The following PTBP3 variants were observed in gnomAD, a reference collection of about 807,000 sequenced individuals.
PTBP3 encodes the protein polypyrimidine tract-binding protein 3.
A neutral mutation model predicts 58.7 loss-of-function variants in PTBP3; 20 were observed. The ratio of observed to expected loss-of-function variants is 0.34; its 90% CI spans 0.24 to 0.50. The LOEUF (loss-of-function observed/expected upper bound fraction) is 0.50, where lower values mean the gene tolerates loss of function less well. Among genes scored for constraint, PTBP3 ranks in the 20% least tolerant of loss-of-function variants. The pLI is 0.98. For missense variants in PTBP3, 509 were observed against 637.2 expected (o/e 0.80, Z 2.17); for synonymous variants, 185 against 219.8 (o/e 0.84, Z 1.40).
At chr9:112,341,621 C>A in the PTBP3 span, among the ~76,000 whole-genome samples, 2 of 151,966 alleles carry the variant, frequency 1.3e-5, no homozygotes, top group East Asian at 3.9e-4. Context: ...CTTTTCTGTG[C>A]GTTATTGATT....
rs766252597 is a variant in PTBP3 at position 112,265,656 on chromosome 9, CAT to C, written c.351+2391_351+2392del. Among the ~76,000 whole-genome samples the C allele has an allele frequency of 4.6e-5, 7 of 152,268 alleles. No homozygotes were observed. In the East Asian group the frequency reaches 5.8e-4, roughly 13 times the overall value. ...ATGCATAGCATGTGAGCAGCACACA[CAT>C]GAGGGTAGAACAAGACATGCAAGCA... On this transcript the variant is annotated intron_variant, in intron 4 of 13. Transcript: ENST00000374257.
intron 7 of PTBP3, among the ~76,000 whole-genome samples, chr9:112,239,877 G>GGGAC (rs1835585251): frequency 2.1e-5 from 2 of 95,248 alleles, no homozygotes; most frequent in Admixed American, 2.2e-4. Flanking sequence ...GAGGGAGGGA[G>GGGAC]GGAGGCAAGG....
chr9:112,265,236 C>T (rs1836749779), intron 4 of PTBP3, among the ~76,000 whole-genome samples: 1 of 152,068 alleles, frequency 6.6e-6, no homozygotes, highest in African/African-American at 2.4e-5. Flanking sequence ...GGTGCAGTGG[C>T]TCACGCCCAT....
intron 1 of PTBP3, 130 bp downstream of exon 1, chr9:112,333,340 C>T (rs1451389090): frequency 8.7e-7 from 1 of 1,150,002 alleles, no homozygotes; most frequent in Non-Finnish European, 1.1e-6. Flanking sequence ...CGCCGTCGGG[C>T]TTGGCCGGGG....
chr9:112,341,464 G>A, the PTBP3 span, among the ~76,000 whole-genome samples: 11 of 151,882 alleles, frequency 7.2e-5, no homozygotes, highest in East Asian at 7.7e-4. Flanking sequence ...GTTTGTATCC[G>A]GCAAGAAAAG....
At chr9:112,232,047 C>T in intron 9 of PTBP3, 52 bp downstream of exon 9, 1 of 900,048 alleles carries the variant, frequency 1.1e-6, no homozygotes, top group Non-Finnish European at 1.6e-6. Flanking sequence ...GAAAAAAGTG[C>T]TACTATACCT....
chr9:112,319,268 T>C (rs140478321), intron 1 of PTBP3, among the ~76,000 whole-genome samples: 78 of 151,648 alleles, frequency 5.1e-4, no homozygotes, highest in African/African-American at 1.8e-3. Context: ...CCAGGAGCAG[T>C]AGCCCACACC....
chr9:112,340,706 C>T, the PTBP3 span, among the ~76,000 whole-genome samples: 1 of 151,602 alleles, frequency 6.6e-6, no homozygotes, highest in African/African-American at 2.4e-5. Flanking sequence ...ATGGAGAAAC[C>T]CCGTCTCTAC....
intron 7 of PTBP3, among the ~76,000 whole-genome samples, chr9:112,244,083 C>T (rs1463002464): frequency 2.6e-5 from 4 of 151,546 alleles, no homozygotes; most frequent in Non-Finnish European, 5.9e-5. Context: ...AGGTGGATCA[C>T]GAGGTCAGGA....
At chr9:112,290,133 A>T (rs1404579404) in intron 2 of PTBP3, among the ~76,000 whole-genome samples, 1 of 152,232 alleles carries the variant, frequency 6.6e-6, no homozygotes, top group Non-Finnish European at 1.5e-5. Flanking sequence ...TGTAAATTAT[A>T]GTGTCAGAGG....
chr9:112,240,525 G>A (rs540709854), intron 7 of PTBP3, among the ~76,000 whole-genome samples: 2 of 151,788 alleles, frequency 1.3e-5, no homozygotes, highest in African/African-American at 4.8e-5. Flanking sequence ...ATAAAATTGT[G>A]TACAGTATAT....
chr9:112,364,745 G>A, the PTBP3 span, among the ~76,000 whole-genome samples: 25,854 of 152,112 alleles, frequency 0.17, 2,480 homozygotes, highest in East Asian at 0.24. Context: ...ATTGACTTGC[G>A]TGACACAGGG....
At chr9:112,291,182 A>G (rs1354926823) in intron 2 of PTBP3, among the ~76,000 whole-genome samples, 3 of 151,968 alleles carry the variant, frequency 2.0e-5, no homozygotes, top group Admixed American at 2.0e-4. Flanking sequence ...AGATTGTGCC[A>G]TTGCACTCCA....
chr9:112,299,457 A>C (rs544431014), intron 1 of PTBP3, among the ~76,000 whole-genome samples: 185 of 152,372 alleles, frequency 1.2e-3, no homozygotes, highest in Middle Eastern at 3.4e-3. Flanking sequence ...GATATCTGCG[A>C]TATGTAAAAC....
At chr9:112,267,327 G>A (rs904986596) in intron 4 of PTBP3, among the ~76,000 whole-genome samples, 8 of 152,030 alleles carry the variant, frequency 5.3e-5, no homozygotes, top group Admixed American at 6.6e-5. Context: ...CACCACGCCC[G>A]GCTAATTTTT....
chr9:112,322,409 G>A (rs149418784), intron 1 of PTBP3, among the ~76,000 whole-genome samples: 7 of 152,284 alleles, frequency 4.6e-5, no homozygotes, highest in African/African-American at 9.6e-5. Context: ...CAGGCCTGGG[G>A]AACAGCTGAT....
chr9:112,222,729 G>A lies in PTBP3; in HGVS notation c.*1122C>T, dbSNP rs1218392826. 1 of 975,662 alleles carries A rather than the reference G, an allele frequency of 1.0e-6. No individual in the cohort carries two copies. Among genetic ancestry groups the A allele is most frequent in the African/African-American group, 1.8e-5 (1 of 56,956 alleles). 60.4% of individuals were successfully genotyped at this position (975,662 alleles called of 1,614,324 possible). A position where few individuals can be genotyped will look rare whatever the true frequency, so the allele number is the denominator to read the frequency against. ...AAAGAAAAAACAAAATGCTTACCAA[G>A]CCCACAATATAGCTTTCAAGATATT... On this transcript the variant is annotated 3_prime_UTR_variant, in exon 14 of 14. Transcript: ENST00000374257.
the PTBP3 span, among the ~76,000 whole-genome samples, chr9:112,373,850 A>G: frequency 1.3e-5 from 2 of 152,254 alleles, no homozygotes; most frequent in Admixed American, 1.3e-4. Flanking sequence ...AAAAGAAGGA[A>G]ATACTCATGA....
In PTBP3 at chr9:112,221,188, G is replaced by A. The variant is rs572807028; in HGVS notation, c.*2663C>T. On this transcript the variant is annotated 3_prime_UTR_variant, in exon 14 of 14. Transcript: ENST00000374257. ...TCCAAATCTTAATTTGGTTAATTTT[G>A]TCAATAAATTAAAATGTATGTAATG... The A allele has an allele frequency of 1.0e-6, 1 of 985,060 alleles. No homozygotes were observed. Among genetic ancestry groups the A allele is most frequent in the South Asian group, 4.7e-5 (1 of 21,260 alleles). The allele number at this position is 985,060 out of a possible 1,614,324, so 61.0% of individuals were successfully genotyped here. A position where few individuals can be genotyped will look rare whatever the true frequency, so the allele number is the denominator to read the frequency against.
Sources: gnomAD v4.1 joint callset for allele counts (sites outside exome capture counted in the v4.1 genomes callset) on GRCh38, gnomAD v4.1.1 for gene constraint, MANE v1.5 for transcripts, NCBI Gene and HGNC (gene_info 2026-07-23, HGNC 2026-07-21) for gene names.